Variants in DCAF6 observed in about 807,000 individuals in gnomAD.
DCAF6 encodes the protein DDB1- and CUL4-associated factor 6.
A neutral mutation model predicts 125.1 loss-of-function variants in DCAF6; 54 were observed. The observed-to-expected ratio is 0.43, with a 90% CI of 0.35 to 0.54. The LOEUF is 0.54. DCAF6 is among the 20% of genes least tolerant of loss of function. The pLI, the probability that DCAF6 is intolerant of heterozygous loss-of-function variation, is 0.01. For synonymous variants in DCAF6, 371 were observed against 390.4 expected, an observed-to-expected ratio of 0.95 and a Z score of 0.58; for missense variants, 934 against 1,161.7, an observed-to-expected ratio of 0.80 and a Z score of 2.85.
chr1:168,065,540 GT>G (rs1487067031), intron 18 of DCAF6, 49 bp from the exon 19 acceptor site: 1 of 1,325,262 alleles, frequency 7.5e-7, no homozygotes. Context: ...ATAAATCTTT[GT>G]TTTAATAACT....
the DCAF6 span, among the ~76,000 whole-genome samples, chr1:167,885,467 T>C: frequency 1.3e-5 from 2 of 152,248 alleles, no homozygotes; most frequent in Non-Finnish European, 2.9e-5. Flanking sequence ...GCCTGTCTTT[T>C]GGATAAAAGT....
upstream of DCAF6, among the ~76,000 whole-genome samples, chr1:167,932,284 T>C (rs1394431398): frequency 1.3e-5 from 2 of 152,100 alleles, no homozygotes; most frequent in Admixed American, 6.5e-5. Context: ...ATAAATTATA[T>C]AGAATTACTG....
intron 4 of DCAF6, among the ~76,000 whole-genome samples, chr1:167,977,253 A>G (rs938049899): frequency 2.7e-5 from 4 of 149,356 alleles, no homozygotes; most frequent in African/African-American, 7.4e-5. Flanking sequence ...ATAGAAAACA[A>G]TTTCAGTTTC....
chr1:167,977,208 GTTTTTTTTT>G (rs532923328), intron 4 of DCAF6, among the ~76,000 whole-genome samples: 1 of 127,212 alleles, frequency 7.9e-6, no homozygotes, highest in African/African-American at 2.8e-5. Context: ...CTGGGCCACA[GTTTTTTTTT>G]TTTTTTTTTA....
chr1:167,920,589 C>G, the DCAF6 span: 1 of 1,613,988 alleles, frequency 6.2e-7, no homozygotes, highest in Non-Finnish European at 8.5e-7. Flanking sequence ...CTAAGTTTTT[C>G]TGCAGGTCTG....
intron 7 of DCAF6, among the ~76,000 whole-genome samples, chr1:167,995,333 C>CT (rs1442758164): frequency 1.3e-5 from 2 of 151,990 alleles, no homozygotes; most frequent in Admixed American, 6.6e-5. Context: ...TTTCCTTGGT[C>CT]TTGTTTGTTG....
At chr1:167,994,788 G>A (rs912986599) in intron 7 of DCAF6, among the ~76,000 whole-genome samples, 15 of 151,988 alleles carry the variant, frequency 9.9e-5, no homozygotes, top group African/African-American at 1.9e-4. Flanking sequence ...ACTTTGGCTT[G>A]TAAAAGTCTT....
the DCAF6 span, among the ~76,000 whole-genome samples, chr1:167,888,760 C>T: frequency 6.7e-6 from 1 of 150,184 alleles, no homozygotes; most frequent in African/African-American, 2.5e-5. Flanking sequence ...CCTGTGGTCC[C>T]AGCTACTCAG....
the DCAF6 span, among the ~76,000 whole-genome samples, chr1:167,871,842 C>T: frequency 1.3e-5 from 2 of 152,110 alleles, no homozygotes; most frequent in Non-Finnish European, 2.9e-5. Flanking sequence ...TCTGAAAATG[C>T]ATTTGAACCT....
chr1:167,869,455 G>C, the DCAF6 span, among the ~76,000 whole-genome samples: 6 of 152,110 alleles, frequency 3.9e-5, no homozygotes, highest in Non-Finnish European at 5.9e-5. Context: ...CTCTCATATT[G>C]TTTTATATTG....
At chr1:167,991,694 A>G (rs144870781) in intron 6 of DCAF6, among the ~76,000 whole-genome samples, 292 of 152,252 alleles carry the variant, frequency 1.9e-3, no homozygotes, top group African/African-American at 6.6e-3. Flanking sequence ...GCTCTGTTCG[A>G]TGCCTTCTCC....
At chr1:167,911,088 G>T in the DCAF6 span, among the ~76,000 whole-genome samples, 2 of 152,138 alleles carry the variant, frequency 1.3e-5, no homozygotes, top group South Asian at 4.1e-4. Flanking sequence ...TGTTGCTCAG[G>T]ATCAACTAGG....
intron 16 of DCAF6, among the ~76,000 whole-genome samples, chr1:168,047,584 C>A (rs16860019): frequency 6.6e-6 from 1 of 151,660 alleles, no homozygotes; most frequent in African/African-American, 2.4e-5. Flanking sequence ...AACAGAAGAA[C>A]GATAAAATTC....
At chr1:167,868,127 C>A in the DCAF6 span, among the ~76,000 whole-genome samples, 1 of 152,176 alleles carries the variant, frequency 6.6e-6, no homozygotes, top group Admixed American at 6.5e-5. Flanking sequence ...CTATGATTAA[C>A]TAAATGTGCC....
chr1:167,943,691 A>T (rs1672614198), intron 1 of DCAF6, among the ~76,000 whole-genome samples: 1 of 152,030 alleles, frequency 6.6e-6, no homozygotes, highest in South Asian at 2.1e-4. Context: ...CCACTCCATT[A>T]TGTATCATTC....
the DCAF6 span, among the ~76,000 whole-genome samples, chr1:167,866,158 G>A: frequency 2.0e-5 from 3 of 152,152 alleles, no homozygotes; most frequent in Non-Finnish European, 2.9e-5. Flanking sequence ...GCACTCTGCC[G>A]AATAACTGGA....
intron 7 of DCAF6, among the ~76,000 whole-genome samples, chr1:167,996,555 G>A (rs1490426421): frequency 6.6e-6 from 1 of 152,102 alleles, no homozygotes; most frequent in Non-Finnish European, 1.5e-5. Context: ...TAGCTATACA[G>A]CATTCAAAGT....
the DCAF6 span, among the ~76,000 whole-genome samples, chr1:167,893,406 C>T: frequency 2.0e-5 from 3 of 152,142 alleles, no homozygotes; most frequent in Non-Finnish European, 2.9e-5. Flanking sequence ...TTCACAGTCA[C>T]CTACATATAG....
the DCAF6 span, chr1:167,918,431 A>G: frequency 1.1e-6 from 1 of 951,746 alleles, no homozygotes; most frequent in South Asian, 1.5e-5. Context: ...GAGAATGGGA[A>G]GCATACTCCA....
Sources: gnomAD v4.1 joint callset for allele counts (sites outside exome capture counted in the v4.1 genomes callset) on GRCh38, gnomAD v4.1.1 for gene constraint, MANE v1.5 for transcripts, NCBI Gene and HGNC (gene_info 2026-07-23, HGNC 2026-07-21) for gene names.